DMC1: variants seen among roughly 807,000 people sequenced by gnomAD.
DMC1 encodes the protein meiotic recombination protein DMC1 homolog.
A neutral mutation model predicts 50.1 loss-of-function variants in DMC1; 27 were observed. The ratio of observed to expected loss-of-function variants is 0.54; its 90% CI spans 0.40 to 0.74. The LOEUF (loss-of-function observed/expected upper bound fraction) is 0.74, where lower values mean the gene tolerates loss of function less well. Among genes scored for constraint, DMC1 ranks in the 30% least tolerant of loss-of-function variants. The pLI, the probability that DMC1 is intolerant of heterozygous loss-of-function variation, is 0.00. For missense variants in DMC1, 295 were observed against 420.2 expected, an observed-to-expected ratio of 0.70 and a Z score of 2.60; for synonymous variants, 148 against 136.1, an observed-to-expected ratio of 1.09 and a Z score of -0.61.
intron 6 of DMC1, among the ~76,000 whole-genome samples, chr22:38,554,462 C>G (rs1191640066): frequency 2.6e-5 from 3 of 117,448 alleles, no homozygotes; most frequent in Admixed American, 2.5e-4. Context: ...AAAAAAAAAA[C>G]AGATTTAGTT....
intron 12 of DMC1, among the ~76,000 whole-genome samples, chr22:38,525,098 A>G (rs890762928): frequency 1.3e-5 from 2 of 152,118 alleles, no homozygotes; most frequent in East Asian, 3.9e-4. Flanking sequence ...AATTAAGCAC[A>G]CTACATGGTA....
intron 13 of DMC1, 68 bp from the exon 14 acceptor site, chr22:38,520,157 C>T: frequency 1.5e-6 from 2 of 1,316,584 alleles, no homozygotes; most frequent in South Asian, 1.2e-5. Context: ...ATTCATGTCA[C>T]AGGCATTATG....
At chr22:38,561,610 G>C (rs1483304571) in intron 5 of DMC1, among the ~76,000 whole-genome samples, 1 of 152,164 alleles carries the variant, frequency 6.6e-6, no homozygotes, top group Non-Finnish European at 1.5e-5. Flanking sequence ...TTTTGGACCT[G>C]TGAAGTCTGA....
chr22:38,528,308 C>G (rs1296277931), intron 12 of DMC1, among the ~76,000 whole-genome samples: 1 of 151,618 alleles, frequency 6.6e-6, no homozygotes, highest in East Asian at 2.0e-4. Flanking sequence ...AAATAATCTG[C>G]CCGCCTTGGC....
the DMC1 span, among the ~76,000 whole-genome samples, chr22:38,509,718 G>T: frequency 2.0e-5 from 3 of 151,948 alleles, no homozygotes; most frequent in African/African-American, 7.3e-5. Flanking sequence ...CGCCCAGGCT[G>T]GAGTGCAATG....
intron 12 of DMC1, among the ~76,000 whole-genome samples, chr22:38,536,999 C>T (rs1024159204): frequency 1.8e-4 from 27 of 151,906 alleles, no homozygotes; most frequent in South Asian, 8.3e-4. Context: ...TACAGGTGCA[C>T]GCCACCACGC....
chr22:38,537,731 T>C, intron 11 of DMC1, 79 bp from the exon 12 acceptor site: 1 of 1,006,364 alleles, frequency 9.9e-7, no homozygotes, highest in Non-Finnish European at 1.6e-6. Flanking sequence ...GATTTCAGAG[T>C]TTAGACATAT....
intron 4 of DMC1, among the ~76,000 whole-genome samples, chr22:38,563,860 C>G (rs377331125): frequency 6.6e-5 from 10 of 152,116 alleles, no homozygotes; most frequent in African/African-American, 1.9e-4. Flanking sequence ...CCACCACACC[C>G]GGCTAATATT....
chr22:38,535,298 CAA>C (rs1213663157), intron 12 of DMC1, among the ~76,000 whole-genome samples: 8 of 96,170 alleles, frequency 8.3e-5, no homozygotes, highest in Admixed American at 1.1e-4. Flanking sequence ...GACTCCGTCT[CAA>C]AAAAAAAAAA....
At chr22:38,521,186 T>C (rs1180503409) in intron 13 of DMC1, among the ~76,000 whole-genome samples, 1 of 152,146 alleles carries the variant, frequency 6.6e-6, no homozygotes, top group Non-Finnish European at 1.5e-5. Context: ...AGAGTTAACC[T>C]GGCAAAAAGA....
intron 12 of DMC1, among the ~76,000 whole-genome samples, chr22:38,527,864 T>C (rs983128592): frequency 6.6e-6 from 1 of 151,926 alleles, no homozygotes; most frequent in Admixed American, 6.6e-5. Context: ...ACTTAATAGT[T>C]GTAAAATAAA....
At chr22:38,543,379 G>A (rs1478571555) in intron 8 of DMC1, among the ~76,000 whole-genome samples, 16 of 152,076 alleles carry the variant, frequency 1.1e-4, no homozygotes, top group East Asian at 3.9e-4. Flanking sequence ...ACAGGTGCCC[G>A]CCACCATGCC....
intron 4 of DMC1, among the ~76,000 whole-genome samples, chr22:38,562,701 C>T (rs1167945241): frequency 4.0e-5 from 6 of 149,068 alleles, no homozygotes; most frequent in South Asian, 2.1e-4. Context: ...TATATATATA[C>T]ACACACACAC....
rs2090594412 is a variant in DMC1, at chr22:38,567,704, T to G, written c.52-77A>C. 10 of 1,095,448 alleles carry G rather than the reference T, an allele frequency of 9.1e-6. No homozygotes were observed. In the South Asian group the frequency reaches 1.3e-4, roughly 14 times the overall value. The allele number at this position is 1,095,448 out of a possible 1,614,324, so 67.9% of individuals were successfully genotyped here. A position where few individuals can be genotyped will look rare whatever the true frequency, so the allele number is the denominator to read the frequency against. On this transcript the variant is annotated intron_variant, in intron 2 of 13. Coordinates refer to ENST00000216024, the MANE Select transcript of DMC1 (RefSeq NM_007068.4). ...ATTTCACATCTTTTAAAGAGGTAAT[T>G]CAATACTATGAGTCACTCCAAAATG...
rs535115736 is a variant in DMC1, at chr22:38,520,101, C to T, written c.954-12G>A. The T allele has an allele frequency of 6.2e-6, 10 of 1,607,828 alleles. No individual in the cohort carries two copies. The African/African-American group carries it at 1.1e-4, about 17-fold the overall frequency. On this transcript the variant is annotated splice_polypyrimidine_tract_variant and intron_variant, in intron 13 of 13. Coordinates refer to ENST00000216024, the MANE Select transcript of DMC1 (RefSeq NM_007068.4). ...CAGGCATCTCAGGACTAACAGAATA[C>T]AAGGGAACAGAAGTTTATAAAAAGC...
rs111451416 is a variant in DMC1, at chr22:38,539,542, G to T, written c.495-130C>A. On this transcript the variant is annotated intron_variant, in intron 8 of 13. Transcript: ENST00000216024. ...ATGTACCTGTGAAGGTATTCTAGAG[G>T]ATGCTAGCAACCATTTAAAGTCTAT... 1.5e-5 allele frequency: 11 copies of T among 755,182 alleles called. No homozygotes were observed. In the African/African-American group the frequency reaches 1.6e-4, roughly 11 times the overall value. 46.8% of individuals were successfully genotyped at this position (755,182 alleles called of 1,614,324 possible).
chr22:38,557,146 C>T (rs530779273), intron 5 of DMC1, among the ~76,000 whole-genome samples: 1 of 152,192 alleles, frequency 6.6e-6, no homozygotes, highest in Non-Finnish European at 1.5e-5. Flanking sequence ...TTATTTGTCC[C>T]TCTTCTTCCT....
intron 8 of DMC1, chr22:38,549,650 T>G (rs2090382165): frequency 3.0e-6 from 1 of 330,272 alleles, no homozygotes; most frequent in African/African-American, 2.1e-5. Flanking sequence ...TTTCTAACTA[T>G]TAAGCAACAT....
the DMC1 span, among the ~76,000 whole-genome samples, chr22:38,513,793 T>C: frequency 6.6e-6 from 1 of 152,252 alleles, no homozygotes; most frequent in Non-Finnish European, 1.5e-5. Flanking sequence ...CTTGAACTCC[T>C]GACCTCAGGT....
Sources: allele counts gnomAD v4.1 joint callset (sites outside exome capture counted in the v4.1 genomes callset), GRCh38; gene constraint gnomAD v4.1.1; transcripts MANE v1.5; gene names NCBI Gene and HGNC (gene_info 2026-07-23, HGNC 2026-07-21).